Variants in SNTG1 observed in about 807,000 individuals in gnomAD.
SNTG1 encodes gamma-1-syntrophin.
Under a neutral mutation model 74.7 loss-of-function variants are expected in SNTG1, and 39 were observed. The ratio of observed to expected loss-of-function variants is 0.52; its 90% CI spans 0.40 to 0.68. SNTG1 has a LOEUF of 0.68. Among genes scored for constraint, SNTG1 ranks in the 30% least tolerant of loss-of-function variants. The pLI, the probability that SNTG1 is intolerant of heterozygous loss-of-function variation, is 0.00. For synonymous variants in SNTG1, 254 were observed against 217.1 expected (o/e 1.17, Z -1.49); for missense variants, 685 against 609.5 (o/e 1.12, Z -1.30).
chr8:50,692,321 C>A (rs577727027), intron 15 of SNTG1, among the ~76,000 whole-genome samples: 4 of 152,126 alleles, frequency 2.6e-5, no homozygotes, highest in Non-Finnish European at 4.4e-5. Context: ...GGAGGAGAGG[C>A]GCTCTGATTT....
chr8:50,245,292 A>G (rs2086346305), intron 2 of SNTG1, among the ~76,000 whole-genome samples: 1 of 152,148 alleles, frequency 6.6e-6, no homozygotes, highest in Non-Finnish European at 1.5e-5. Context: ...GAGACAGATC[A>G]CCAGACTATA....
chr8:50,201,821 A>T (rs2083997895), intron 2 of SNTG1, among the ~76,000 whole-genome samples: 1 of 152,170 alleles, frequency 6.6e-6, no homozygotes, highest in South Asian at 2.1e-4. Flanking sequence ...GATACCAATG[A>T]CCTCAACTCT....
At chr8:50,139,175 A>G (rs891237706) in intron 1 of SNTG1, among the ~76,000 whole-genome samples, 1 of 152,184 alleles carries the variant, frequency 6.6e-6, no homozygotes, top group African/African-American at 2.4e-5. Context: ...TTCAGATTAC[A>G]ATGAATTCTG....
intron 1 of SNTG1, among the ~76,000 whole-genome samples, chr8:50,001,505 C>A (rs1464081418): frequency 6.6e-6 from 1 of 152,146 alleles, no homozygotes; most frequent in African/African-American, 2.4e-5. Flanking sequence ...AGAGTTCAGT[C>A]AAGGAGAGAA....
intron 1 of SNTG1, among the ~76,000 whole-genome samples, chr8:50,160,034 G>A (rs183286222): frequency 6.6e-6 from 1 of 152,216 alleles, no homozygotes; most frequent in East Asian, 1.9e-4. Flanking sequence ...TAAAACAGTA[G>A]CAAACTCTGC....
At chr8:50,571,898 C>G (rs1394884505) in intron 12 of SNTG1, among the ~76,000 whole-genome samples, 1 of 152,078 alleles carries the variant, frequency 6.6e-6, no homozygotes, top group Non-Finnish European at 1.5e-5. Context: ...TTAGAAACCC[C>G]TCATTCTAAA....
At chr8:50,308,126 T>A (rs996815981) in intron 2 of SNTG1, among the ~76,000 whole-genome samples, 1 of 151,686 alleles carries the variant, frequency 6.6e-6, no homozygotes, top group Non-Finnish European at 1.5e-5. Flanking sequence ...ATCGTTGTCC[T>A]GCAAGGAATC....
At chr8:50,672,637 G>T (rs1275542008) in intron 15 of SNTG1, among the ~76,000 whole-genome samples, 1 of 152,080 alleles carries the variant, frequency 6.6e-6, no homozygotes, top group Non-Finnish European at 1.5e-5. Flanking sequence ...TCTGTAGGTG[G>T]CCTGTTCACT....
chr8:50,553,318 T>C (rs1307558154), intron 12 of SNTG1, 139 bp downstream of exon 12: 14 of 1,161,340 alleles, frequency 1.2e-5, no homozygotes, highest in Admixed American at 1.0e-4. Context: ...GGAATACTTA[T>C]TGTAAGAAAA....
At chr8:50,013,888 G>A (rs886080619) in intron 1 of SNTG1, among the ~76,000 whole-genome samples, 4 of 152,116 alleles carry the variant, frequency 2.6e-5, no homozygotes, top group African/African-American at 9.7e-5. Context: ...AGAAAACATT[G>A]CAGAATGGCA....
intron 2 of SNTG1, among the ~76,000 whole-genome samples, chr8:50,201,048 A>T (rs1182683315): frequency 6.6e-6 from 1 of 152,172 alleles, no homozygotes; most frequent in African/African-American, 2.4e-5. Context: ...TTTCTCTAAC[A>T]TCATGGCTTG....
chr8:50,223,509 T>C (rs1045228080), intron 2 of SNTG1, among the ~76,000 whole-genome samples: 4 of 152,138 alleles, frequency 2.6e-5, no homozygotes, highest in South Asian at 4.1e-4. Flanking sequence ...TTTATCCTTA[T>C]TGAGTTTATT....
chr8:49,980,521 CAAAAAAAAAAAAAAA>C (rs565561398), intron 1 of SNTG1, among the ~76,000 whole-genome samples: 6 of 53,830 alleles, frequency 1.1e-4, no homozygotes, highest in East Asian at 1.4e-3. Flanking sequence ...GACTCCTTCG[CAAAAAAAAAAAAAAA>C]AAAAAAAAAA....
At chr8:49,992,536 A>G (rs766711424) in intron 1 of SNTG1, among the ~76,000 whole-genome samples, 14 of 152,200 alleles carry the variant, frequency 9.2e-5, no homozygotes, top group Non-Finnish European at 1.5e-4. Context: ...CTTGGTGGGT[A>G]TAAGCCTTAA....
intron 1 of SNTG1, among the ~76,000 whole-genome samples, chr8:49,937,144 G>A (rs571562369): frequency 6.6e-5 from 10 of 152,046 alleles, no homozygotes; most frequent in South Asian, 6.2e-4. Context: ...GCTAGACTCC[G>A]TCTCAAAACA....
At chr8:50,645,118 A>C (rs967048538) in intron 13 of SNTG1, among the ~76,000 whole-genome samples, 1 of 63,362 alleles carries the variant, frequency 1.6e-5, no homozygotes, top group Non-Finnish European at 3.1e-5. Flanking sequence ...AGATCAGAAA[A>C]ATGTTCTTTT....
At chr8:50,639,924 C>T (rs1025204872) in intron 13 of SNTG1, among the ~76,000 whole-genome samples, 3 of 151,904 alleles carry the variant, frequency 2.0e-5, no homozygotes, top group African/African-American at 7.2e-5. Flanking sequence ...TTTTTCAGGA[C>T]CAGTTATCAT....
chr8:49,917,153 A>G (rs1359343076), intron 1 of SNTG1, among the ~76,000 whole-genome samples: 1 of 152,200 alleles, frequency 6.6e-6, no homozygotes, highest in Non-Finnish European at 1.5e-5. Context: ...TCCAGTACAC[A>G]CAAAATCTGA....
intron 18 of SNTG1, among the ~76,000 whole-genome samples, chr8:50,760,915 C>T (rs140810915): frequency 3.2e-4 from 48 of 151,934 alleles, no homozygotes; most frequent in African/African-American, 7.7e-4. Context: ...CAGGACCAGA[C>T]GGATTCACAG....
Sources: gnomAD v4.1 joint callset for allele counts (sites outside exome capture counted in the v4.1 genomes callset) on GRCh38, gnomAD v4.1.1 for gene constraint, MANE v1.5 for transcripts, NCBI Gene and HGNC (gene_info 2026-07-23, HGNC 2026-07-21) for gene names.